ARFIP1: variants seen among roughly 807,000 people sequenced by gnomAD.
ARFIP1 encodes the protein arfaptin-1.
In ARFIP1, 24 loss-of-function variants were observed where a neutral mutation model predicts 42.5. The observed-to-expected ratio is 0.57, with a 90% CI of 0.41 to 0.80. The LOEUF (loss-of-function observed/expected upper bound fraction) is 0.80. Among genes scored for constraint, ARFIP1 ranks in the 30% least tolerant of loss-of-function variants. The pLI, the probability that ARFIP1 is intolerant of heterozygous loss-of-function variation, is 0.00. For missense variants in ARFIP1, 354 were observed against 434.0 expected (o/e 0.82, Z 1.64); for synonymous variants, 141 against 153.7 (o/e 0.92, Z 0.61).
intron 2 of ARFIP1, among the ~76,000 whole-genome samples, 153 bp downstream of exon 2, chr4:152,829,879 G>T (rs930604777): frequency 4.6e-5 from 7 of 152,084 alleles, no homozygotes; most frequent in Admixed American, 6.6e-5. Context: ...GACAAGGAAG[G>T]CCATTTTAGT....
At chr4:152,900,563 A>G (rs970443949) in intron 8 of ARFIP1, among the ~76,000 whole-genome samples, 7 of 152,126 alleles carry the variant, frequency 4.6e-5, no homozygotes, top group African/African-American at 1.4e-4. Context: ...CCATATTTTT[A>G]TAGTGTTTCT....
At chr4:152,864,913 C>CTTTTTTTT (rs34123163) in intron 3 of ARFIP1, among the ~76,000 whole-genome samples, 1 of 112,482 alleles carries the variant, frequency 8.9e-6, no homozygotes, top group Non-Finnish European at 1.8e-5. Context: ...CTTTTTTAAA[C>CTTTTTTTT]TTTTTTTTTT....
intron 1 of ARFIP1, chr4:152,810,175 T>C (rs1729335434): frequency 6.6e-6 from 1 of 152,220 alleles, no homozygotes; most frequent in Non-Finnish European, 1.5e-5. Context: ...AAAGATTGTT[T>C]CCAAAGATTC....
At chr4:152,833,272 C>T (rs963824091) in intron 2 of ARFIP1, among the ~76,000 whole-genome samples, 1 of 148,114 alleles carries the variant, frequency 6.8e-6, no homozygotes, top group Admixed American at 6.7e-5. Context: ...AAATGGCCAA[C>T]AGGTATGTGA....
intron 6 of ARFIP1, 55 bp downstream of exon 6, chr4:152,881,239 T>C: frequency 7.5e-7 from 1 of 1,325,392 alleles, no homozygotes; most frequent in Non-Finnish European, 1.1e-6. Flanking sequence ...ATAGAAGTAT[T>C]CTAAGAGGTA....
intron 3 of ARFIP1, among the ~76,000 whole-genome samples, chr4:152,865,308 T>C (rs1734236324): frequency 6.6e-6 from 1 of 152,126 alleles, no homozygotes; most frequent in Admixed American, 6.5e-5. Context: ...GGCTAATTTT[T>C]ATATTTTTAG....
At chr4:152,871,855 T>G (rs893526213) in intron 4 of ARFIP1, among the ~76,000 whole-genome samples, 1 of 152,106 alleles carries the variant, frequency 6.6e-6, no homozygotes, top group African/African-American at 2.4e-5. Flanking sequence ...TACCTTTTTT[T>G]TGTGGTCTCT....
intron 1 of ARFIP1, among the ~76,000 whole-genome samples, chr4:152,805,191 A>C (rs1419238106): frequency 6.6e-6 from 1 of 152,252 alleles, no homozygotes; most frequent in African/African-American, 2.4e-5. Context: ...AAAAGCATTC[A>C]TAAAGATATT....
intron 5 of ARFIP1, among the ~76,000 whole-genome samples, chr4:152,873,265 C>T (rs1211356985): frequency 6.6e-6 from 1 of 152,126 alleles, no homozygotes; most frequent in Non-Finnish European, 1.5e-5. Flanking sequence ...TCCCTATATT[C>T]GTGAACTGAT....
Position 152,910,658 on chromosome 4 carries a change from A to AT in ARFIP1, c.*440dup, listed in dbSNP as rs1376335752. ...AAACATCTTTAAGAGATTCATTTTCATGTATTAAAGAAAAAAGAAACTATT... is the reference window on the plus strand; with the variant it reads ...AAACATCTTTAAGAGATTCATTTTCATTGTATTAAAGAAAAAAGAAACTATT... On this transcript the variant is annotated 3_prime_UTR_variant, in exon 9 of 9. Transcript: ENST00000353617. The AT allele has an allele frequency of 6.5e-6, 1 of 153,800 alleles. No individual in the cohort carries two copies. The highest frequency in any genetic ancestry group is 1.4e-5 in the Non-Finnish European group (1 of 68,982). The allele number at this position is 153,800 out of a possible 1,614,324, so 9.5% of individuals were successfully genotyped here. A position where few individuals can be genotyped will look rare whatever the true frequency, so the allele number is the denominator to read the frequency against.
intron 1 of ARFIP1, among the ~76,000 whole-genome samples, chr4:152,827,645 T>A (rs1338674181): frequency 6.6e-6 from 1 of 152,208 alleles, no homozygotes; most frequent in Non-Finnish European, 1.5e-5. Flanking sequence ...ATCATATAGT[T>A]GGAATCATAC....
At chr4:152,888,054 A>G in intron 7 of ARFIP1, 79 bp from the exon 8 acceptor site, 3 of 1,102,740 alleles carry the variant, frequency 2.7e-6, no homozygotes, top group Non-Finnish European at 3.9e-6. Flanking sequence ...ATGAGACTGA[A>G]TATTACGTAT....
At chr4:152,811,813 A>G (rs1254394696) in intron 1 of ARFIP1, among the ~76,000 whole-genome samples, 1 of 152,186 alleles carries the variant, frequency 6.6e-6, no homozygotes, top group African/African-American at 2.4e-5. Context: ...TTTTTTGTCC[A>G]GGGAGATAAC....
intron 1 of ARFIP1, among the ~76,000 whole-genome samples, chr4:152,786,117 A>G (rs560608153): frequency 3.3e-5 from 5 of 152,320 alleles, no homozygotes; most frequent in African/African-American, 1.2e-4. Flanking sequence ...CTAAATCCAG[A>G]TGGTCAAAGT....
At chr4:152,844,635 C>T (rs1732392637) in intron 2 of ARFIP1, among the ~76,000 whole-genome samples, 1 of 151,694 alleles carries the variant, frequency 6.6e-6, no homozygotes, top group Non-Finnish European at 1.5e-5. Context: ...ACCTATTTCA[C>T]CTCCTTAAAG....
At chr4:152,821,463 A>G (rs549133959) in intron 1 of ARFIP1, among the ~76,000 whole-genome samples, 4 of 152,318 alleles carry the variant, frequency 2.6e-5, no homozygotes, top group African/African-American at 9.6e-5. Context: ...GAATTAAAAG[A>G]AATGAACAAA....
intron 8 of ARFIP1, among the ~76,000 whole-genome samples, chr4:152,894,270 TA>T (rs1402281754): frequency 6.6e-6 from 1 of 151,312 alleles, no homozygotes; most frequent in Admixed American, 6.6e-5. Flanking sequence ...AAAAATACAC[TA>T]AAGGTTTGGA....
chr4:152,893,410 G>GT (rs11366397), intron 8 of ARFIP1, among the ~76,000 whole-genome samples: 60 of 148,870 alleles, frequency 4.0e-4, no homozygotes, highest in African/African-American at 4.9e-4. Context: ...AGCAACTCAT[G>GT]TTTTTTTTTT....
rs892150595 is a variant in ARFIP1, at chr4:152,863,238, G to A, written c.94-368G>A. On this transcript the variant is annotated intron_variant, in intron 2 of 8. Coordinates refer to ENST00000353617, the MANE Select transcript of ARFIP1 (RefSeq NM_001025595.3). ...AGCCAGGCTCATTGTGATTATATTAGGTGTCAGTCAGCTTTTACATATTAG... is the reference window on the plus strand; with the variant it reads ...AGCCAGGCTCATTGTGATTATATTAAGTGTCAGTCAGCTTTTACATATTAG... Among the ~76,000 whole-genome samples, 16 of 152,198 alleles carry A rather than the reference G, an allele frequency of 1.1e-4. No individual in the cohort carries two copies. The East Asian group carries it at 1.5e-3, about 15-fold the overall frequency.
Sources: allele counts gnomAD v4.1 joint callset (sites outside exome capture counted in the v4.1 genomes callset), GRCh38; gene constraint gnomAD v4.1.1; transcripts MANE v1.5; gene names NCBI Gene and HGNC (gene_info 2026-07-23, HGNC 2026-07-21).